FLNA: variants seen among roughly 807,000 people sequenced by gnomAD.
FLNA encodes filamin-A.
In FLNA, 7 loss-of-function variants were observed where a neutral mutation model predicts 157.6. That is an observed-to-expected ratio of 0.04 (90% CI 0.03 to 0.08). The LOEUF is 0.08. Among genes scored for constraint, FLNA ranks in the 10% least tolerant of loss-of-function variants. The pLI, the probability that FLNA is intolerant of heterozygous loss-of-function variation, is 1.00. For synonymous variants in FLNA, 1,103 were observed against 1,060.8 expected (o/e 1.04, Z -0.77); for missense variants, 1,750 against 2,398.4 (o/e 0.73, Z 5.65).
rs1557177781 is a variant in FLNA at position 154,360,477 on chromosome X, G to T, written c.3318C>A (p.Gly1106=). 1 of 1,211,473 alleles carries T rather than the reference G, an allele frequency of 8.3e-7. No individual in the cohort carries two copies. The highest frequency in any genetic ancestry group is 1.1e-6 in the Non-Finnish European group (1 of 895,481). ...GTGGLGLTVE[G]PCEAQLECLD... is the part of the protein sequence containing the mutation. ...AGCACTCGAGCTGCGCCTCACAGGGGCCCTCCACCGTCAGGCCCAGGCCAC... is the reference window on the plus strand; with the variant it reads ...AGCACTCGAGCTGCGCCTCACAGGGTCCCTCCACCGTCAGGCCCAGGCCAC... Residue 1106 remains glycine, a synonymous_variant, in exon 22 of 48, where the codon GGC becomes GGA. Coordinates refer to ENST00000369850, the MANE Select transcript of FLNA (RefSeq NM_001110556.2).
chrX:154,360,793 T>C (rs972390518), intron 21 of FLNA, among the ~76,000 whole-genome samples: 10 of 110,975 alleles, frequency 9.0e-5, no homozygotes, highest in Non-Finnish European at 1.7e-4. Context: ...ACGCCTGTAA[T>C]CTCAGCCCTT....
chrX:154,364,414 C>A, intron 13 of FLNA, 42 bp from the exon 14 acceptor site: 1 of 1,192,078 alleles, frequency 8.4e-7, no homozygotes, highest in Non-Finnish European at 1.1e-6. Context: ...CAGGTCCAGG[C>A]TGCCAGAGCT....
intron 47 of FLNA, 129 bp from the exon 48 acceptor site, chrX:154,349,165 TC>T: frequency 1.2e-6 from 1 of 800,607 alleles, no homozygotes; most frequent in Non-Finnish European, 1.8e-6. Flanking sequence ...TGCCAGCACC[TC>T]CCCAACCCAG....
Position 154,362,326 on chromosome X carries a change from G to A in FLNA, c.2572C>T (p.Pro858Ser). The change falls in exon 18 of 48, where the codon CCC becomes TCC. Residue 858 changes from proline to serine, a missense_variant. Transcript: ENST00000369850. ...IMVLFADQAT[P>S]TSPIRVKVEP... is the part of the protein sequence containing the mutation. Reference sequence around the variant, plus strand: ...ACCTTGACTCGGATGGGGCTGGTGGGCGTGGCCTGCAGGCAGTGGGAGGAG... The same window carrying A: ...ACCTTGACTCGGATGGGGCTGGTGGACGTGGCCTGCAGGCAGTGGGAGGAG... The A allele has an allele frequency of 8.3e-7, 1 of 1,210,913 alleles. No individual in the cohort carries two copies. The highest frequency in any genetic ancestry group is 3.0e-5 in the East Asian group (1 of 33,846).
intron 2 of FLNA, among the ~76,000 whole-genome samples, chrX:154,370,559 C>T (rs2067797387): frequency 8.9e-6 from 1 of 112,931 alleles, no homozygotes. Context: ...CTGCCCAGTG[C>T]CCGACCCCCC....
At position 154,348,922 on chromosome X, in the gene FLNA, C is replaced by T. The variant is rs1557175147; in HGVS notation, c.7871G>A (p.Gly2624Glu). The T allele has an allele frequency of 1.7e-6, 2 of 1,211,306 alleles. No homozygotes were observed. The highest frequency in any genetic ancestry group is 3.5e-5 in the South Asian group (2 of 57,025). The change falls in exon 48 of 48, where the codon GGG becomes GAG. Residue 2624 changes from glycine (G) to glutamate (E), a missense_variant. Gly to Glu is a moderately conservative substitution (Grantham distance 98). Around this residue, in one of 5 missense-constraint regions of FLNA, gnomAD observed 970 missense variants for 1,302.6 expected, o/e 0.74. Coordinates refer to ENST00000369850, the MANE Select transcript of FLNA (RefSeq NM_001110556.2). ...YSVSYLLKDK[G>E]EYTLVVKWGD... ...CCATTTGACCACCAGTGTGTACTCC[C>T]CCTTGTCCTTGAGCAGGTAGGACAC...
Position 154,361,647 on chromosome X carries a change from C to T in FLNA, c.2944+23G>A, listed in dbSNP as rs41302180. Reference sequence around the variant, plus strand: ...TCCCTGGATGTGACAAAGGCCTTTGCGACAAGGGCCCCAACTACTTACTCT... The same window carrying T: ...TCCCTGGATGTGACAAAGGCCTTTGTGACAAGGGCCCCAACTACTTACTCT... On this transcript the variant is annotated intron_variant, in intron 20 of 47. Transcript: ENST00000369850. 1.1e-3 allele frequency: 1,284 copies of T among 1,199,901 alleles called. 2 individuals carry two copies. The highest frequency in any genetic ancestry group is 1.3e-3 in the South Asian group (73 of 56,555).
Position 154,361,707 on chromosome X carries a change from C to T in FLNA, c.2907G>A (p.Leu969=). 8.3e-7 allele frequency: 1 copy of T among 1,211,005 alleles called. No individual in the cohort carries two copies. The highest frequency in any genetic ancestry group is 1.1e-6 in the Non-Finnish European group (1 of 894,921). Residue 969 remains leucine (L), a synonymous_variant, in exon 20 of 48, where the codon CTG becomes CTA. Coordinates refer to ENST00000369850, the MANE Select transcript of FLNA (RefSeq NM_001110556.2). ...SPFSVAVSPS[L]DLSKIKVSGL... is the part of the protein sequence containing the mutation. ...CAGACACCTTGATCTTGCTGAGGTCCAGGCTTGGAGATACTGCCACTGAGA... is the reference window on the plus strand; with the variant it reads ...CAGACACCTTGATCTTGCTGAGGTCTAGGCTTGGAGATACTGCCACTGAGA...
rs2148106327 is a variant in FLNA at position 154,354,063 on chromosome X, C to T, written c.5558-20G>A. The T allele has an allele frequency of 8.3e-7, 1 of 1,211,910 alleles. No individual in the cohort carries two copies. The highest frequency in any genetic ancestry group is 1.1e-6 in the Non-Finnish European group (1 of 895,550). On this transcript the variant is annotated intron_variant, in intron 34 of 47. Coordinates refer to ENST00000369850, the MANE Select transcript of FLNA (RefSeq NM_001110556.2). ...GGCTTCCTGAGGCAGGAAGAAGGGCCTTGTGGAATGGCAGCCTCGTGTGTC... is the reference window on the plus strand; with the variant it reads ...GGCTTCCTGAGGCAGGAAGAAGGGCTTTGTGGAATGGCAGCCTCGTGTGTC...
In FLNA at chrX:154,348,911, G is replaced by C. The variant is rs1557175142; in HGVS notation, c.7882C>G (p.Leu2628Val). ...TGCTCGTCCCCCCATTTGACCACCA[G>C]TGTGTACTCCCCCTTGTCCTTGAGC... is the stretch of plus-strand genomic sequence containing the variant. ...YLLKDKGEYT[L>V]VVKWGDEHIP... is the part of the protein sequence containing the mutation. Residue 2628 changes from leucine (L) to valine (V), a missense_variant, in exon 48 of 48, where the codon CTG becomes GTG. Physicochemically the swap from Leu to Val is conservative, Grantham distance 32 (BLOSUM62 1). Transcript: ENST00000369850. 2 of 1,211,211 alleles carry C rather than the reference G, an allele frequency of 1.7e-6. No homozygotes were observed. Among genetic ancestry groups the C allele is most frequent in the South Asian group, 3.5e-5 (2 of 57,015 alleles).
At position 154,348,807 on chromosome X, in the gene FLNA, C is replaced by A; in HGVS notation, c.*42G>T. 1 of 1,151,064 alleles carries A rather than the reference C, an allele frequency of 8.7e-7. No homozygotes were observed. Among genetic ancestry groups the A allele is most frequent in the Non-Finnish European group, 1.2e-6 (1 of 850,034 alleles). The allele number at this position is 1,151,064 out of a possible 1,213,427, so 94.9% of individuals were successfully genotyped here. On this transcript the variant is annotated 3_prime_UTR_variant, in exon 48 of 48. Coordinates refer to ENST00000369850, the MANE Select transcript of FLNA (RefSeq NM_001110556.2). ...GAAGAGGGCGGGGCTGCTTGGGTAG[C>A]GGGGCAGGCTTGGGGGCTGCCGGCT...
At position 154,353,316 on chromosome X, in the gene FLNA, C is replaced by T. The variant is rs1483960506; in HGVS notation, c.6002G>A (p.Arg2001Gln). ...SGREEPCLLKRLRNGHVGISF... is the reference protein window; with the variant it reads ...SGREEPCLLKQLRNGHVGISF... ...CTTACCCACGTGGCCATTACGCAGCCGCTTCAGCAAACAGGGCTCCTCCCG... is the reference window on the plus strand; with the variant it reads ...CTTACCCACGTGGCCATTACGCAGCTGCTTCAGCAAACAGGGCTCCTCCCG... The change falls in exon 37 of 48, where the codon CGG (arginine) becomes CAG (glutamine). Residue 2001 changes from arginine (R) to glutamine (Q), a missense_variant. Coordinates refer to ENST00000369850, the MANE Select transcript of FLNA (RefSeq NM_001110556.2). The T allele has an allele frequency of 8.3e-6, 10 of 1,211,986 alleles. No individual in the cohort carries two copies. The highest frequency in any genetic ancestry group is 3.5e-5 in the South Asian group (2 of 57,039).
chrX:154,350,952 G>A lies in FLNA; in HGVS notation c.7113C>T (p.Pro2371=). The change falls in exon 44 of 48, where the codon CCC becomes CCT. Residue 2371 remains proline, a synonymous_variant. Transcript: ENST00000369850. ...CATAGCACTCCTCCAGGGCTCCTGA[G>A]GGGCTGTGCACCTTGGCATCGATCG... ...KGAIDAKVHS[P]SGALEECYVT... The A allele has an allele frequency of 8.3e-7, 1 of 1,211,531 alleles. No homozygotes were observed. The highest frequency in any genetic ancestry group is 1.1e-6 in the Non-Finnish European group (1 of 895,034).
Position 154,362,763 on chromosome X carries a change from G to T in FLNA, c.2302C>A (p.His768Asn), listed in dbSNP as rs2148114718. The change falls in exon 16 of 48, where the codon CAC becomes AAC. Residue 768 changes from histidine (H) to asparagine (N), a missense_variant. His to Asn is a moderately conservative substitution (Grantham distance 68). Around this residue, in one of 5 missense-constraint regions of FLNA, gnomAD observed 648 missense variants for 805.8 expected, o/e 0.80. Transcript: ENST00000369850. Reference sequence around the variant, plus strand: ...CCGTATACTTTGACCTTGTTGGGGTGGCTGCCAGCTCCCACATTCACCTGC... The same window carrying T: ...CCGTATACTTTGACCTTGTTGGGGTTGCTGCCAGCTCCCACATTCACCTGC... ...PFRVNVGAGS[H>N]PNKVKVYGPG... 5.8e-6 allele frequency: 7 copies of T among 1,201,721 alleles called. No homozygotes were observed. The highest frequency in any genetic ancestry group is 7.9e-6 in the Non-Finnish European group (7 of 890,624).
chrX:154,370,337 T>C (rs1402544100), intron 2 of FLNA, among the ~76,000 whole-genome samples: 1 of 110,562 alleles, frequency 9.0e-6, no homozygotes, highest in Admixed American at 9.4e-5. Flanking sequence ...TGTGGGGGGG[T>C]AGATCTAAAC....
chrX:154,370,611 T>G (rs1557180119), intron 2 of FLNA, among the ~76,000 whole-genome samples: 4 of 112,743 alleles, frequency 3.5e-5, no homozygotes, highest in African/African-American at 1.3e-4. Context: ...AGGCGCGGCC[T>G]GCGGAGGATG....
Position 154,354,101 on chromosome X carries a change from C to T in FLNA, c.5557+50G>A, listed in dbSNP as rs1557176372. 3.3e-6 allele frequency: 4 copies of T among 1,212,052 alleles called. No homozygotes were observed. In the South Asian group the frequency reaches 7.0e-5, roughly 21 times the overall value. ...AGCCTCGTGTGTCCCCCAGCCCCAT[C>T]TCTCTGTGAGGTGGTGGCGGTGGAG... On this transcript the variant is annotated intron_variant, in intron 34 of 47. Transcript: ENST00000369850.
chrX:154,362,328 G>A lies in FLNA; in HGVS notation c.2570C>T (p.Thr857Met), dbSNP rs1488268931. Residue 857 changes from threonine (T) to methionine (M), a missense_variant, in exon 18 of 48, where the codon ACG becomes ATG. By Grantham distance (81) the Thr-to-Met change is moderately conservative. Coordinates refer to ENST00000369850, the MANE Select transcript of FLNA (RefSeq NM_001110556.2). ...CTTGACTCGGATGGGGCTGGTGGGC[G>A]TGGCCTGCAGGCAGTGGGAGGAGAA... ...TIMVLFADQA[T>M]PTSPIRVKVE... 5 of 1,208,917 alleles carry A rather than the reference G, an allele frequency of 4.1e-6. No individual in the cohort carries two copies. Among genetic ancestry groups the A allele is most frequent in the Non-Finnish European group, 5.6e-6 (5 of 894,417 alleles).
At position 154,350,970 on chromosome X, in the gene FLNA, A is replaced by G. The variant is rs375369548; in HGVS notation, c.7095T>C (p.Asp2365=). The G allele has an allele frequency of 7.1e-5, 86 of 1,209,759 alleles. No individual in the cohort carries two copies. Among genetic ancestry groups the G allele is most frequent in the Non-Finnish European group, 9.2e-5 (82 of 894,580 alleles). ...CTCCTGAGGGGCTGTGCACCTTGGC[A>G]TCGATCGCCCCCTTGGCCCCGTTCA... ...VSLNGAKGAI[D]AKVHSPSGAL... Residue 2365 remains aspartate (D), a synonymous_variant, in exon 44 of 48, where the codon GAT becomes GAC. Transcript: ENST00000369850.
Sources: gnomAD v4.1 joint callset for allele counts (sites outside exome capture counted in the v4.1 genomes callset) on GRCh38, gnomAD v4.1.1 for gene constraint, gnomAD v4.1.1 regional missense constraint, MANE v1.5 for transcripts, NCBI Gene and HGNC (gene_info 2026-07-23, HGNC 2026-07-21) for gene names.